TRIO: variants seen among roughly 807,000 people sequenced by gnomAD.
TRIO encodes triple functional domain protein.
A neutral mutation model predicts 351.9 loss-of-function variants in TRIO; 58 were observed. That is an observed-to-expected ratio of 0.16 (90% confidence interval 0.13 to 0.21). The LOEUF (loss-of-function observed/expected upper bound fraction) is 0.21, where lower values mean the gene tolerates loss of function less well. Ranked by LOEUF, TRIO falls within the 10% of genes least tolerant of loss-of-function variation. The probability of loss-of-function intolerance (pLI) is 1.00; values close to 1 mark genes in which losing one functional copy is unlikely to be tolerated. For synonymous variants in TRIO, 1,758 were observed against 1,595.7 expected (o/e 1.10, Z -2.42); for missense variants, 3,201 against 4,027.8 (o/e 0.79, Z 5.56).
At chr5:14,306,221 C>T (rs1738359209) in intron 8 of TRIO, among the ~76,000 whole-genome samples, 1 of 149,894 alleles carries the variant, frequency 6.7e-6, no homozygotes, top group African/African-American at 2.4e-5. Context: ...ACAGTTTTTT[C>T]AAGTAACATT....
chr5:14,492,825 G>A lies in TRIO; in HGVS notation c.7880+11G>A, dbSNP rs1221105995. On this transcript the variant is annotated intron_variant, in intron 49 of 56. Transcript: ENST00000344204. Reference sequence around the variant, plus strand: ...GGACGGGACTCTCAAGTGAGTGCTTGACAGTAACGGCGTCCTGGCAGGCAG... The same window carrying A: ...GGACGGGACTCTCAAGTGAGTGCTTAACAGTAACGGCGTCCTGGCAGGCAG... 1.2e-6 allele frequency: 2 copies of A among 1,609,560 alleles called. No individual in the cohort carries two copies. Among genetic ancestry groups the A allele is most frequent in the African/African-American group, 1.3e-5 (1 of 74,992 alleles).
At chr5:14,159,061 G>A (rs756195453) in intron 1 of TRIO, among the ~76,000 whole-genome samples, 24 of 152,128 alleles carry the variant, frequency 1.6e-4, no homozygotes, top group Non-Finnish European at 3.2e-4. Flanking sequence ...GTTACCACGC[G>A]CACAGTGGGT....
intron 9 of TRIO, among the ~76,000 whole-genome samples, chr5:14,327,555 G>A (rs1740497150): frequency 6.6e-6 from 1 of 152,086 alleles, no homozygotes; most frequent in Admixed American, 6.5e-5. Flanking sequence ...TTTTGAAATT[G>A]TGCCCTTATT....
chr5:14,218,050 A>C (rs183512158), intron 1 of TRIO, among the ~76,000 whole-genome samples: 1 of 152,204 alleles, frequency 6.6e-6, no homozygotes, highest in African/African-American at 2.4e-5. Context: ...GTATAACTAT[A>C]GTTCATGTGT....
At chr5:14,187,381 G>A (rs563557751) in intron 1 of TRIO, among the ~76,000 whole-genome samples, 5 of 152,222 alleles carry the variant, frequency 3.3e-5, no homozygotes, top group African/African-American at 1.2e-4. Flanking sequence ...GACTCTTAAG[G>A]TACAGAGAGA....
At chr5:14,316,831 T>A in intron 9 of TRIO, 88 bp downstream of exon 9, 1 of 1,389,620 alleles carries the variant, frequency 7.2e-7, no homozygotes, top group Non-Finnish European at 9.8e-7. Flanking sequence ...AGATCTGTGC[T>A]TAAGGAGTGA....
intron 1 of TRIO, among the ~76,000 whole-genome samples, chr5:14,254,018 T>G (rs1346708360): frequency 6.6e-6 from 1 of 151,276 alleles, no homozygotes; most frequent in Non-Finnish European, 1.5e-5. Flanking sequence ...TGTAATGAAT[T>G]TATTATTTTG....
intron 5 of TRIO, 62 bp downstream of exon 5, chr5:14,291,290 G>A: frequency 6.5e-7 from 1 of 1,543,474 alleles, no homozygotes; most frequent in Non-Finnish European, 8.8e-7. Flanking sequence ...GGTGGGTTCG[G>A]GTGGAAGGAA....
At chr5:14,273,925 G>T (rs543730824) in intron 2 of TRIO, among the ~76,000 whole-genome samples, 1 of 152,140 alleles carries the variant, frequency 6.6e-6, no homozygotes, top group African/African-American at 2.4e-5. Flanking sequence ...GTACGAATTC[G>T]TTGCCCACTT....
At chr5:14,215,195 A>T (rs1327519641) in intron 1 of TRIO, among the ~76,000 whole-genome samples, 1 of 152,252 alleles carries the variant, frequency 6.6e-6, no homozygotes, top group Non-Finnish European at 1.5e-5. Context: ...AGGTGAAAGA[A>T]AAAGAAAACC....
At chr5:14,227,145 G>A (rs1194322818) in intron 1 of TRIO, among the ~76,000 whole-genome samples, 2 of 152,176 alleles carry the variant, frequency 1.3e-5, no homozygotes, top group Non-Finnish European at 2.9e-5. Context: ...GGTTTGTCTT[G>A]TTCCGCACCC....
intron 1 of TRIO, among the ~76,000 whole-genome samples, chr5:14,186,608 C>T (rs1581305069): frequency 6.6e-6 from 1 of 151,960 alleles, no homozygotes; most frequent in Middle Eastern, 3.4e-3. Flanking sequence ...GGTGTAGTCT[C>T]ACTGTGTTGC....
intron 48 of TRIO, chr5:14,489,209 A>T: frequency 1.8e-6 from 1 of 560,076 alleles, no homozygotes; most frequent in South Asian, 2.5e-5. Context: ...TTTCCTCTGG[A>T]CTTATTAATG....
intron 48 of TRIO, among the ~76,000 whole-genome samples, chr5:14,490,563 A>G (rs919334248): frequency 2.0e-5 from 3 of 152,236 alleles, no homozygotes; most frequent in African/African-American, 4.8e-5. Context: ...ATAAAAGTGC[A>G]TGCACACTGG....
chr5:14,439,701 C>A (rs561292153), intron 34 of TRIO, among the ~76,000 whole-genome samples: 1 of 152,182 alleles, frequency 6.6e-6, no homozygotes, highest in Non-Finnish European at 1.5e-5. Flanking sequence ...CTCGCTGGGT[C>A]CTGGCATAAG....
At chr5:14,282,831 A>C (rs1474554495) in intron 3 of TRIO, among the ~76,000 whole-genome samples, 1 of 152,216 alleles carries the variant, frequency 6.6e-6, no homozygotes, top group Admixed American at 6.5e-5. Context: ...CGTTTGCATT[A>C]ACTGCAGTCC....
chr5:14,494,127 C>T (rs1023376473), intron 49 of TRIO, among the ~76,000 whole-genome samples: 2 of 152,200 alleles, frequency 1.3e-5, no homozygotes, highest in African/African-American at 4.8e-5. Flanking sequence ...CATTTATTTA[C>T]CCTTCTGAAA....
At chr5:14,162,920 C>T (rs1168798974) in intron 1 of TRIO, among the ~76,000 whole-genome samples, 1 of 149,934 alleles carries the variant, frequency 6.7e-6, no homozygotes, top group East Asian at 2.0e-4. Context: ...GATTCTCCTG[C>T]CTCAGCCTCC....
At chr5:14,339,750 C>T (rs181156598) in intron 11 of TRIO, among the ~76,000 whole-genome samples, 1 of 152,298 alleles carries the variant, frequency 6.6e-6, no homozygotes, top group East Asian at 1.9e-4. Flanking sequence ...CCCTGACCAG[C>T]CTGAGAATTT....
Sources: allele counts gnomAD v4.1 joint callset (sites outside exome capture counted in the v4.1 genomes callset), GRCh38; gene constraint gnomAD v4.1.1; transcripts MANE v1.5; gene names NCBI Gene and HGNC (gene_info 2026-07-23, HGNC 2026-07-21).